The following EXOG variants were observed in gnomAD, a reference collection of about 807,000 sequenced individuals.
EXOG encodes the protein exo/endonuclease G, also known as nuclease EXOG, mitochondrial.
Under a neutral mutation model 25.8 loss-of-function variants are expected in EXOG, and 27 were observed. That is an observed-to-expected ratio of 1.05 (90% CI 0.77 to 1.45). The LOEUF is 1.45. Ranked by LOEUF, EXOG falls within the 40% of genes most tolerant of loss-of-function variation. The pLI, the probability that EXOG is intolerant of heterozygous loss-of-function variation, is 0.00. For synonymous variants in EXOG, 133 were observed against 167.0 expected (o/e 0.80, Z 1.57); for missense variants, 458 against 450.5 (o/e 1.02, Z -0.15).
chr3:38,523,090 T>C (rs1370853014), intron 5 of EXOG: 11 of 588,794 alleles, frequency 1.9e-5, no homozygotes, highest in Admixed American at 1.2e-4. Context: ...TAATGTTGAC[T>C]TGACACCTGG....
chr3:38,497,558 A>G, intron 1 of EXOG, 71 bp from the exon 2 acceptor site: 1 of 1,499,498 alleles, frequency 6.7e-7, no homozygotes, highest in African/African-American at 1.4e-5. Context: ...TTTCATTATT[A>G]AGAGCCACTA....
At chr3:38,513,498 C>G (rs182269425) in intron 5 of EXOG, among the ~76,000 whole-genome samples, 1 of 151,978 alleles carries the variant, frequency 6.6e-6, no homozygotes, top group Non-Finnish European at 1.5e-5. Flanking sequence ...CCACAAACAA[C>G]GGAAAAACAG....
At chr3:38,516,494 T>C (rs1232260986) in intron 5 of EXOG, among the ~76,000 whole-genome samples, 1 of 152,236 alleles carries the variant, frequency 6.6e-6, no homozygotes, top group African/African-American at 2.4e-5. Context: ...CTCCCCCATA[T>C]AGATAGGCAT....
At chr3:38,504,879 C>G (rs1228355881) in intron 4 of EXOG, among the ~76,000 whole-genome samples, 1 of 152,062 alleles carries the variant, frequency 6.6e-6, no homozygotes, top group Admixed American at 6.5e-5. Flanking sequence ...CCATATAGTA[C>G]TTTGTGGTTT....
At chr3:38,515,424 T>C (rs1193149129) in intron 5 of EXOG, 2 of 159,236 alleles carry the variant, frequency 1.3e-5, no homozygotes, top group Non-Finnish European at 2.8e-5. Context: ...ACAGATGCCC[T>C]GGATCCCTCG....
rs538226277 is a variant in EXOG, at chr3:38,497,783, G to A, written c.313+5G>A. On this transcript the variant is annotated splice_donor_5th_base_variant and intron_variant, in intron 2 of 5. Coordinates refer to ENST00000287675, the MANE Select transcript of EXOG (RefSeq NM_005107.4). ...TTTCCAAAAGCAAGATAATGGGTAG[G>A]TGGTTGGATAAAAAAACTGAAGTAA... is the stretch of plus-strand genomic sequence containing the variant. The A allele has an allele frequency of 1.9e-6, 3 of 1,588,180 alleles. No homozygotes were observed. The highest frequency in any genetic ancestry group is 2.7e-5 in the African/African-American group (2 of 73,144).
chr3:38,523,375 A>G (rs2060780754), intron 5 of EXOG: 10 of 970,430 alleles, frequency 1.0e-5, no homozygotes, highest in Non-Finnish European at 1.2e-5. Context: ...TTTTATTTTT[A>G]TTTTTTGAGG....
At chr3:38,510,721 G>T (rs1173176060) in intron 5 of EXOG, among the ~76,000 whole-genome samples, 1 of 150,542 alleles carries the variant, frequency 6.6e-6, no homozygotes, top group East Asian at 1.9e-4. Flanking sequence ...AATATTAAAA[G>T]ATATATTAAA....
At chr3:38,509,354 G>GC (rs2060299624) in intron 5 of EXOG, among the ~76,000 whole-genome samples, 7 of 152,158 alleles carry the variant, frequency 4.6e-5, no homozygotes, top group African/African-American at 1.7e-4. Context: ...TCACTACATA[G>GC]ATTTTTGTGT....
chr3:38,512,472 C>T (rs1394791799), intron 5 of EXOG, among the ~76,000 whole-genome samples: 1 of 151,980 alleles, frequency 6.6e-6, no homozygotes, highest in East Asian at 1.9e-4. Context: ...TGTGACCTGT[C>T]GCTTATTAAC....
Position 38,503,710 on chromosome 3 carries a change from A to T in EXOG, c.530+19A>T. ...GGAACAGGTGAGGGATGAGAGTTTT[A>T]AAAACATGATTCTATGGAAGATAAA... On this transcript the variant is annotated intron_variant, in intron 4 of 5. Coordinates refer to ENST00000287675, the MANE Select transcript of EXOG (RefSeq NM_005107.4). 7.4e-7 allele frequency: 1 copy of T among 1,360,060 alleles called. No homozygotes were observed. The allele number at this position is 1,360,060 out of a possible 1,614,324, so 84.2% of individuals were successfully genotyped here.
chr3:38,525,031 TCTC>T lies in EXOG; in HGVS notation c.*673_*675del, dbSNP rs896787010. ...ATGCACTATATATTTGTTTCTTTTTTCTCCTCTCATGAATCTGCTCGTTTCTCT... is the reference window on the plus strand; with the variant it reads ...ATGCACTATATATTTGTTTCTTTTTTCTCTCATGAATCTGCTCGTTTCTCT... On this transcript the variant is annotated 3_prime_UTR_variant, in exon 6 of 6. Transcript: ENST00000287675. 3.0e-6 allele frequency: 3 copies of T among 985,260 alleles called. No individual in the cohort carries two copies. In the African/African-American group the frequency reaches 5.2e-5, roughly 17 times the overall value. 61.0% of individuals were successfully genotyped at this position (985,260 alleles called of 1,614,324 possible).
intron 2 of EXOG, chr3:38,498,632 G>A (rs2059961837): frequency 5.0e-6 from 1 of 201,500 alleles, no homozygotes; most frequent in South Asian, 8.6e-5. Flanking sequence ...TGGAAAAGTG[G>A]ACTGAAGAGT....
intron 4 of EXOG, among the ~76,000 whole-genome samples, chr3:38,506,645 G>A (rs2060209240): frequency 6.6e-6 from 1 of 152,192 alleles, no homozygotes; most frequent in Non-Finnish European, 1.5e-5. Context: ...AGATAGTTTT[G>A]TTAGTGTATG....
rs754729147 is a variant in EXOG, at chr3:38,524,442, C to T, written c.*80C>T. 11 of 1,477,996 alleles carry T rather than the reference C, an allele frequency of 7.4e-6. No individual in the cohort carries two copies. The Admixed American group carries it at 1.3e-4, about 18-fold the overall frequency. 91.6% of individuals were successfully genotyped at this position (1,477,996 alleles called of 1,614,324 possible). ...AGGCTAACATATTTTAGTGGCTTTG[C>T]TTTTTGCTTTTTAAAAAGTTTTTCT... On this transcript the variant is annotated 3_prime_UTR_variant, in exon 6 of 6. Coordinates refer to ENST00000287675, the MANE Select transcript of EXOG (RefSeq NM_005107.4).
At chr3:38,509,142 G>T (rs972212409) in intron 5 of EXOG, among the ~76,000 whole-genome samples, 3 of 152,072 alleles carry the variant, frequency 2.0e-5, no homozygotes, top group Non-Finnish European at 2.9e-5. Context: ...ATTATTCTTG[G>T]TCTTTGTTAA....
chr3:38,515,667 CG>C, intron 5 of EXOG: 1 of 159,264 alleles, frequency 6.3e-6, no homozygotes, highest in Non-Finnish European at 1.4e-5. Context: ...TGGTCAGGCC[CG>C]CTACACCCAT....
chr3:38,513,051 C>T (rs1265689572), intron 5 of EXOG, among the ~76,000 whole-genome samples: 1 of 152,186 alleles, frequency 6.6e-6, no homozygotes, highest in Non-Finnish European at 1.5e-5. Flanking sequence ...GTCCTCCCAC[C>T]TCCACCCCTC....
chr3:38,514,768 C>A (rs73825580), intron 5 of EXOG, among the ~76,000 whole-genome samples: 30 of 117,886 alleles, frequency 2.5e-4, no homozygotes, highest in African/African-American at 1.1e-3. Flanking sequence ...CCCTCCCCCC[C>A]CTCCCCCTGC....
Sources: gnomAD v4.1 joint callset for allele counts (sites outside exome capture counted in the v4.1 genomes callset) on GRCh38, gnomAD v4.1.1 for gene constraint, MANE v1.5 for transcripts, NCBI Gene and HGNC (gene_info 2026-07-23, HGNC 2026-07-21) for gene names.